Variants in ROBO2 observed in about 807,000 individuals in gnomAD.
ROBO2 encodes roundabout guidance receptor 2, also known as roundabout homolog 2.
Under a neutral mutation model 160.8 loss-of-function variants are expected in ROBO2, and 53 were observed. That is an observed-to-expected ratio of 0.33 (90% CI 0.26 to 0.41). The LOEUF is 0.41. ROBO2 is among the 10% of genes least tolerant of loss of function. The pLI, the probability that ROBO2 is intolerant of heterozygous loss-of-function variation, is 1.00. For synonymous variants in ROBO2, 664 were observed against 611.7 expected, an observed-to-expected ratio of 1.09 and a Z score of -1.26; for missense variants, 1,577 against 1,722.4, an observed-to-expected ratio of 0.92 and a Z score of 1.49.
At chr3:76,688,247 C>T (rs1165209540) in intron 2 of ROBO2, among the ~76,000 whole-genome samples, 4 of 151,658 alleles carry the variant, frequency 2.6e-5, no homozygotes, top group Admixed American at 1.3e-4. Flanking sequence ...TTCAGAAAAC[C>T]GCAAAATGAT....
At chr3:76,446,023 T>C (rs1204364522) in intron 2 of ROBO2, among the ~76,000 whole-genome samples, 1 of 152,090 alleles carries the variant, frequency 6.6e-6, no homozygotes, top group East Asian at 1.9e-4. Flanking sequence ...CAACATAGTG[T>C]TGGAAGTTCT....
At chr3:77,074,993 A>C (rs963836447) in intron 1 of ROBO2, among the ~76,000 whole-genome samples, 1 of 152,174 alleles carries the variant, frequency 6.6e-6, no homozygotes, top group Non-Finnish European at 1.5e-5. Context: ...TTGTCGTATT[A>C]CTTAAAATTT....
chr3:77,483,642 A>G (rs1402160576), intron 4 of ROBO2, among the ~76,000 whole-genome samples: 2 of 150,948 alleles, frequency 1.3e-5, no homozygotes, highest in East Asian at 1.9e-4. Flanking sequence ...TTGCAGTTCA[A>G]TCTTTATCTT....
chr3:76,340,548 A>C (rs2074162237), intron 2 of ROBO2, among the ~76,000 whole-genome samples: 1 of 152,200 alleles, frequency 6.6e-6, no homozygotes, highest in Admixed American at 6.5e-5. Context: ...TATGTGATTT[A>C]AAGCTAATGG....
At chr3:76,132,254 G>T (rs963709153) in intron 2 of ROBO2, among the ~76,000 whole-genome samples, 2 of 152,152 alleles carry the variant, frequency 1.3e-5, no homozygotes, top group African/African-American at 2.4e-5. Context: ...GGATCAAATT[G>T]TGGCAATAGG....
intron 2 of ROBO2, among the ~76,000 whole-genome samples, chr3:77,032,269 A>G (rs144766712): frequency 7.2e-4 from 110 of 152,292 alleles, no homozygotes; most frequent in Non-Finnish European, 1.4e-3. Context: ...GTGATTCTGT[A>G]GGCTTTGTTG....
intron 2 of ROBO2, among the ~76,000 whole-genome samples, chr3:77,292,934 T>G (rs1227702021): frequency 1.3e-5 from 2 of 150,204 alleles, no homozygotes; most frequent in Non-Finnish European, 3.0e-5. Flanking sequence ...AAAGTAAAAT[T>G]GACGATTAAA....
At chr3:76,078,345 T>G (rs1192889091) in intron 2 of ROBO2, among the ~76,000 whole-genome samples, 3 of 152,144 alleles carry the variant, frequency 2.0e-5, no homozygotes, top group Non-Finnish European at 2.9e-5. Flanking sequence ...GATTTAGCAG[T>G]AAGCGATTTA....
At chr3:76,391,023 T>G in intron 2 of ROBO2, among the ~76,000 whole-genome samples, 1 of 152,126 alleles carries the variant, frequency 6.6e-6, no homozygotes, top group East Asian at 1.9e-4. Flanking sequence ...TTAAATTCAG[T>G]TAGATAATCC....
At chr3:76,688,572 T>C (rs924043041) in intron 2 of ROBO2, among the ~76,000 whole-genome samples, 3 of 149,768 alleles carry the variant, frequency 2.0e-5, no homozygotes, top group Non-Finnish European at 4.4e-5. Context: ...TGAAAGTCTT[T>C]TTTTGTAGAC....
At chr3:77,400,525 A>G (rs2075698116) in intron 2 of ROBO2, among the ~76,000 whole-genome samples, 1 of 152,174 alleles carries the variant, frequency 6.6e-6, no homozygotes, top group Non-Finnish European at 1.5e-5. Context: ...ATTATCCAAC[A>G]CATTCGGTTC....
At chr3:77,335,852 C>T (rs1452908032) in intron 2 of ROBO2, among the ~76,000 whole-genome samples, 3 of 152,148 alleles carry the variant, frequency 2.0e-5, no homozygotes, top group African/African-American at 7.2e-5. Flanking sequence ...GAGATATCCA[C>T]CAAAGATAAG....
intron 2 of ROBO2, among the ~76,000 whole-genome samples, chr3:77,378,957 T>C (rs953212114): frequency 7.9e-5 from 12 of 152,028 alleles, no homozygotes; most frequent in African/African-American, 2.9e-4. Context: ...TTCTTTTTTT[T>C]TTTTTTGGAG....
intron 2 of ROBO2, among the ~76,000 whole-genome samples, chr3:76,652,004 C>G (rs899919681): frequency 3.9e-5 from 6 of 152,150 alleles, no homozygotes; most frequent in Non-Finnish European, 7.3e-5. Context: ...ATGTCGCTCC[C>G]TGCAGGATAT....
At chr3:77,278,740 G>A (rs367811152) in intron 2 of ROBO2, among the ~76,000 whole-genome samples, 1 of 152,064 alleles carries the variant, frequency 6.6e-6, no homozygotes, top group Non-Finnish European at 1.5e-5. Context: ...AATCAGAGTT[G>A]ACTAATTTTT....
At chr3:77,555,508 T>C (rs1226957125) in intron 8 of ROBO2, among the ~76,000 whole-genome samples, 2 of 152,038 alleles carry the variant, frequency 1.3e-5, no homozygotes, top group African/African-American at 4.8e-5. Flanking sequence ...TTCAATATAC[T>C]TGAGTTTCAA....
At chr3:77,042,122 T>C (rs930364019) in intron 1 of ROBO2, among the ~76,000 whole-genome samples, 1 of 152,200 alleles carries the variant, frequency 6.6e-6, no homozygotes, top group African/African-American at 2.4e-5. Flanking sequence ...TTTTCAATCA[T>C]GGACTACATG....
intron 1 of ROBO2, among the ~76,000 whole-genome samples, chr3:77,060,888 G>T (rs933156422): frequency 2.6e-5 from 4 of 152,002 alleles, no homozygotes; most frequent in Admixed American, 2.0e-4. Context: ...TAAACATCTA[G>T]CAGAGATAAT....
At chr3:77,432,105 A>G (rs1311217935) in intron 2 of ROBO2, among the ~76,000 whole-genome samples, 1 of 152,162 alleles carries the variant, frequency 6.6e-6, no homozygotes, top group Non-Finnish European at 1.5e-5. Flanking sequence ...AGCAATTTGG[A>G]ATAAAATCTT....
Sources: gnomAD v4.1 joint callset for allele counts (sites outside exome capture counted in the v4.1 genomes callset) on GRCh38, gnomAD v4.1.1 for gene constraint, MANE v1.5 for transcripts, NCBI Gene and HGNC (gene_info 2026-07-23, HGNC 2026-07-21) for gene names.